The following POLDIP2 variants were observed in gnomAD, a reference collection of about 807,000 sequenced individuals.
POLDIP2 encodes the protein polymerase delta-interacting protein 2.
POLDIP2 carries 32 observed loss-of-function variants against 52.9 expected under a neutral mutation model. That is an observed-to-expected ratio of 0.61 (90% confidence interval 0.46 to 0.81). The LOEUF is 0.81. POLDIP2 is among the 40% of genes least tolerant of loss of function. POLDIP2 has a pLI of 0.00. For missense variants in POLDIP2, 371 were observed against 477.3 expected (o/e 0.78, Z 2.07); for synonymous variants, 183 against 183.0 (o/e 1.00, Z 0.00).
intron 10 of POLDIP2, among the ~76,000 whole-genome samples, chr17:28,348,868 T>C (rs1426222620): frequency 3.9e-5 from 6 of 152,222 alleles, no homozygotes; most frequent in African/African-American, 1.4e-4. Flanking sequence ...CAGACCTCTT[T>C]AGCCTAAGTC....
At chr17:28,349,756 G>T (rs1907726851) in intron 9 of POLDIP2, among the ~76,000 whole-genome samples, 1 of 152,210 alleles carries the variant, frequency 6.6e-6, no homozygotes, top group Admixed American at 6.5e-5. Flanking sequence ...GATAACTGGT[G>T]TGATCCACAT....
intron 4 of POLDIP2, 99 bp downstream of exon 4, chr17:28,353,596 C>CCTGGGCT: frequency 1.2e-6 from 1 of 815,348 alleles, no homozygotes; most frequent in East Asian, 2.6e-5. Flanking sequence ...CCAAGACTGA[C>CCTGGGCT]CTGGGCTCTG....
rs782659260 is a variant in POLDIP2 at position 28,357,496 on chromosome 17, G to T, written c.-48C>A. 2 of 1,431,590 alleles carry T rather than the reference G, an allele frequency of 1.4e-6. No individual in the cohort carries two copies. Among genetic ancestry groups the T allele is most frequent in the Non-Finnish European group, 1.8e-6 (2 of 1,103,882 alleles). 88.7% of individuals were successfully genotyped at this position (1,431,590 alleles called of 1,614,324 possible). A position where few individuals can be genotyped will look rare whatever the true frequency, so the allele number is the denominator to read the frequency against. On this transcript the variant is annotated 5_prime_UTR_variant, in exon 1 of 11. Transcript: ENST00000540200. ...GCTGCTGACACAGAGCCCGACCCGC[G>T]GCCGGGCGGCGTTCCGCCCCAGTCC...
Position 28,352,990 on chromosome 17 carries a change from G to A in POLDIP2, c.544C>T (p.Leu182Phe). Residue 182 changes from leucine to phenylalanine, a missense_variant, in exon 6 of 11, where the codon CTC (leucine) becomes TTC (phenylalanine). Leu to Phe is a conservative substitution (Grantham distance 22, BLOSUM62 0). Coordinates refer to ENST00000540200, the MANE Select transcript of POLDIP2 (RefSeq NM_015584.5). ...GLDYVSHEDI[L>F]PYTSTDQVPI... ...ACCTGATCAGTGGAGGTGTAGGGGA[G>A]GATGTCTTCATGGCTGACATAGTCC... 6 of 1,290,624 alleles carry A rather than the reference G, an allele frequency of 4.6e-6. No individual in the cohort carries two copies. Among genetic ancestry groups the A allele is most frequent in the Non-Finnish European group, 6.8e-6 (6 of 884,770 alleles). The allele number at this position is 1,290,624 out of a possible 1,614,324, so 79.9% of individuals were successfully genotyped here.
intron 3 of POLDIP2, among the ~76,000 whole-genome samples, chr17:28,354,090 T>C (rs375110077): frequency 7.2e-5 from 11 of 152,136 alleles, no homozygotes; most frequent in African/African-American, 2.4e-4. Flanking sequence ...CAGAGTACTC[T>C]TGTCTTCTTA....
chr17:28,354,389 G>T (rs782527648), intron 3 of POLDIP2, 99 bp downstream of exon 3: 17 of 821,350 alleles, frequency 2.1e-5, no homozygotes, highest in Non-Finnish European at 3.5e-5. Context: ...ATGTTTCCAA[G>T]GCCTAGGAGG....
chr17:28,354,618 A>C, intron 2 of POLDIP2, 33 bp from the exon 3 acceptor site: 1 of 1,429,706 alleles, frequency 7.0e-7, no homozygotes, highest in Non-Finnish European at 9.7e-7. Context: ...GTGAGTCTGC[A>C]GTCCAGCAAA....
chr17:28,352,257 G>C, intron 6 of POLDIP2, among the ~76,000 whole-genome samples: 1 of 17,904 alleles, frequency 5.6e-5, no homozygotes, highest in Non-Finnish European at 9.1e-5. Flanking sequence ...TTTTTTTTTG[G>C]AGACGGAGTC....
At position 28,348,197 on chromosome 17, in the gene POLDIP2, G is replaced by A. The variant is rs782294829; in HGVS notation, c.1027C>T (p.His343Tyr). ...TFRFERPDGS[H>Y]FDVRIPPFSL... ...AAGGGAGGAATCCGAACATCAAAGT[G>A]GGAGCCATCAGGTCTTTCAAAGCGG... Residue 343 changes from histidine to tyrosine, a missense_variant, in exon 11 of 11, where the codon CAC becomes TAC. Coordinates refer to ENST00000540200, the MANE Select transcript of POLDIP2 (RefSeq NM_015584.5). 3 of 1,613,812 alleles carry A rather than the reference G, an allele frequency of 1.9e-6. No homozygotes were observed. The South Asian group carries it at 3.3e-5, about 18-fold the overall frequency.
intron 9 of POLDIP2, among the ~76,000 whole-genome samples, chr17:28,349,605 G>A (rs1907720968): frequency 6.6e-6 from 1 of 152,130 alleles, no homozygotes; most frequent in Non-Finnish European, 1.5e-5. Flanking sequence ...TCCAGCCTGG[G>A]TGACACAGCG....
Position 28,351,616 on chromosome 17 carries a change from C to T in POLDIP2, c.759+48G>A, listed in dbSNP as rs138623915. 1.2e-3 allele frequency: 1,842 copies of T among 1,589,602 alleles called. 5 individuals are homozygous for T. The highest frequency in any genetic ancestry group is 1.7e-3 in the Middle Eastern group (9 of 5,180). ...CGGCAGTCACCTTAAGGACACCATA[C>T]ACCTTGGGGCCTACCCCTGCTAGAA... On this transcript the variant is annotated intron_variant, in intron 7 of 10. Coordinates refer to ENST00000540200, the MANE Select transcript of POLDIP2 (RefSeq NM_015584.5).
intron 7 of POLDIP2, 36 bp from the exon 8 acceptor site, chr17:28,350,828 G>A (rs1555579851): frequency 6.5e-6 from 10 of 1,546,062 alleles, no homozygotes; most frequent in African/African-American, 2.7e-5. Flanking sequence ...AGTCCCACAG[G>A]GCAAGACCAA....
intron 7 of POLDIP2, 110 bp downstream of exon 7, chr17:28,351,554 C>A: frequency 9.4e-7 from 1 of 1,066,148 alleles, no homozygotes; most frequent in Non-Finnish European, 1.4e-6. Flanking sequence ...GGAAGCAGAA[C>A]CACAGGGACA....
Position 28,357,501 on chromosome 17 carries a change from G to C in POLDIP2, c.-53C>G, listed in dbSNP as rs1016179566. 1.5e-5 allele frequency: 21 copies of C among 1,434,086 alleles called. No homozygotes were observed. In the Admixed American group the frequency reaches 5.3e-4, roughly 37 times the overall value. 88.8% of individuals were successfully genotyped at this position (1,434,086 alleles called of 1,614,324 possible). A position where few individuals can be genotyped will look rare whatever the true frequency, so the allele number is the denominator to read the frequency against. On this transcript the variant is annotated 5_prime_UTR_variant, in exon 1 of 11. Transcript: ENST00000540200. Reference sequence around the variant, plus strand: ...TGACACAGAGCCCGACCCGCGGCCGGGCGGCGTTCCGCCCCAGTCCCACAC... The same window carrying C: ...TGACACAGAGCCCGACCCGCGGCCGCGCGGCGTTCCGCCCCAGTCCCACAC...
chr17:28,353,520 C>CAGAAAAAAAAAAAAAAAAAAAAAAA (rs1907897128), intron 4 of POLDIP2, among the ~76,000 whole-genome samples, 175 bp downstream of exon 4: 1 of 54,814 alleles, frequency 1.8e-5, no homozygotes, highest in South Asian at 7.5e-4. Flanking sequence ...GACTCCATAT[C>CAGAAAAAAAAAAAAAAAAAAAAAAA]AAAAAAAAAA....
At chr17:28,356,549 C>A (rs1291868490) in intron 1 of POLDIP2, among the ~76,000 whole-genome samples, 1 of 152,172 alleles carries the variant, frequency 6.6e-6, no homozygotes, top group Non-Finnish European at 1.5e-5. Context: ...TCTCTCAATA[C>A]CGTTTTTGTT....
At chr17:28,351,630 C>T in intron 7 of POLDIP2, 34 bp downstream of exon 7, 5 of 1,608,702 alleles carry the variant, frequency 3.1e-6, no homozygotes, top group African/African-American at 1.3e-5. Flanking sequence ...TTGGGGCCTA[C>T]CCCTGCTAGA....
rs145719444 is a variant in POLDIP2 at position 28,356,146 on chromosome 17, T to C, written c.162-270A>G. Among the ~76,000 whole-genome samples the C allele has an allele frequency of 2.4e-4, 37 of 151,990 alleles. No homozygotes were observed. The South Asian group carries it at 7.1e-3, about 29-fold the overall frequency. On this transcript the variant is annotated intron_variant, in intron 1 of 10. Transcript: ENST00000540200. ...ATCATGCCCTCACACTCTGCTCAAA[T>C]GTACCCCTGCCCTTGTTTCTTCCCT...
At chr17:28,356,782 C>T (rs1555581007) in intron 1 of POLDIP2, among the ~76,000 whole-genome samples, 2 of 152,194 alleles carry the variant, frequency 1.3e-5, no homozygotes, top group African/African-American at 4.8e-5. Context: ...TCCGTGGAAA[C>T]AGTTTCCACA....
Sources: allele counts gnomAD v4.1 joint callset (sites outside exome capture counted in the v4.1 genomes callset), GRCh38; gene constraint gnomAD v4.1.1; transcripts MANE v1.5; gene names NCBI Gene and HGNC (gene_info 2026-07-23, HGNC 2026-07-21).